The following RHOH variants were observed in gnomAD, a reference collection of about 807,000 sequenced individuals.
The protein encoded by RHOH is ras homolog family member H.
A neutral mutation model predicts 13.8 loss-of-function variants in RHOH; 6 were observed. The ratio of observed to expected loss-of-function variants is 0.44; its 90% CI spans 0.24 to 0.86. RHOH has a LOEUF of 0.86. Among genes scored for constraint, RHOH ranks in the 40% least tolerant of loss-of-function variants. The probability of loss-of-function intolerance (pLI) is 0.24; values close to 1 mark genes in which losing one functional copy is unlikely to be tolerated. For missense variants in RHOH, 147 were observed against 244.5 expected, an observed-to-expected ratio of 0.60 and a Z score of 2.66; for synonymous variants, 117 against 103.0, an observed-to-expected ratio of 1.14 and a Z score of -0.82.
chr4:40,231,856 C>T (rs182313338), intron 1 of RHOH, among the ~76,000 whole-genome samples: 1 of 152,380 alleles, frequency 6.6e-6, no homozygotes, highest in East Asian at 1.9e-4. Flanking sequence ...CTGGGCTCCG[C>T]CTTTTAGCCC....
intron 1 of RHOH, among the ~76,000 whole-genome samples, chr4:40,227,452 C>T (rs574217674): frequency 1.0e-3 from 153 of 152,320 alleles, no homozygotes; most frequent in African/African-American, 3.6e-3. Context: ...TGTGGGCCCC[C>T]AGCAGCTTAA....
chr4:40,234,495 A>G (rs550998448), intron 1 of RHOH, among the ~76,000 whole-genome samples: 11 of 152,252 alleles, frequency 7.2e-5, no homozygotes, highest in Non-Finnish European at 1.5e-5. Context: ...CAGTCAGGGC[A>G]GAGTTGCTGG....
At chr4:40,197,552 T>A (rs1204741423) in intron 1 of RHOH, among the ~76,000 whole-genome samples, 1 of 152,190 alleles carries the variant, frequency 6.6e-6, no homozygotes, top group Admixed American at 6.5e-5. Flanking sequence ...GTTTTCCAGA[T>A]ATTCTAGAGA....
At chr4:40,211,196 G>A (rs1272306008) in intron 1 of RHOH, among the ~76,000 whole-genome samples, 1 of 152,144 alleles carries the variant, frequency 6.6e-6, no homozygotes, top group Non-Finnish European at 1.5e-5. Context: ...CAAGAGGTAT[G>A]TTTTGTAAGT....
At chr4:40,200,704 G>C (rs939616897) in intron 1 of RHOH, 1 of 152,224 alleles carries the variant, frequency 6.6e-6, no homozygotes, top group Non-Finnish European at 1.5e-5. Context: ...CTGGGTCCAG[G>C]ATATGAGGAT....
chr4:40,195,198 TGTAA>T (rs1301220686), upstream of RHOH, among the ~76,000 whole-genome samples: 5 of 152,196 alleles, frequency 3.3e-5, no homozygotes, highest in Non-Finnish European at 7.3e-5. Context: ...TTTGCTAAGG[TGTAA>T]GTATTTTTGC....
chr4:40,225,117 TTTTG>T (rs1175381042), intron 1 of RHOH, among the ~76,000 whole-genome samples: 1 of 152,156 alleles, frequency 6.6e-6, no homozygotes, highest in African/African-American at 2.4e-5. Flanking sequence ...CATTTTTGTT[TTTTG>T]TTTGTTTGTT....
chr4:40,212,325 C>T lies in RHOH; in HGVS notation c.-331+15025C>T, dbSNP rs938319917. On this transcript the variant is annotated intron_variant, in intron 1 of 2. Transcript: ENST00000381799. Reference sequence around the variant, plus strand: ...AAAATCTAGAATATTGCCAGCCTATCGTCAGAGTGCAACACGTTTGAGGAA... The same window carrying T: ...AAAATCTAGAATATTGCCAGCCTATTGTCAGAGTGCAACACGTTTGAGGAA... Among the ~76,000 whole-genome samples, 8 of 152,242 alleles carry T rather than the reference C, an allele frequency of 5.3e-5. No individual in the cohort carries two copies. The South Asian group carries it at 1.4e-3, about 28-fold the overall frequency.
chr4:40,225,740 C>T (rs1727147042), intron 1 of RHOH, among the ~76,000 whole-genome samples: 3 of 152,198 alleles, frequency 2.0e-5, no homozygotes. Flanking sequence ...CTTTCTTCCT[C>T]ACCCTCTGCC....
In RHOH at chr4:40,244,586, A is replaced by G. The variant is rs146051940; in HGVS notation, c.*624A>G. ...GATATAAAATACAGTTCCATAAGAT[A>G]TCCTAATACTGCCTAATGATTTTAA... On this transcript the variant is annotated 3_prime_UTR_variant, in exon 3 of 3. Coordinates refer to ENST00000381799, the MANE Select transcript of RHOH (RefSeq NM_004310.5). The G allele has an allele frequency of 6.5e-3, 1,307 of 201,272 alleles. 16 individuals are homozygous for G. The highest frequency in any genetic ancestry group is 5.2e-3 in the Non-Finnish European group (466 of 88,942). The allele number at this position is 201,272 out of a possible 1,614,324, so 12.5% of individuals were successfully genotyped here. A position where few individuals can be genotyped will look rare whatever the true frequency, so the allele number is the denominator to read the frequency against.
chr4:40,193,854 G>T, upstream of RHOH: 1 of 152,322 alleles, frequency 6.6e-6, no homozygotes, highest in Non-Finnish European at 1.5e-5. Flanking sequence ...GATGGGGTGG[G>T]ACACACCCAG....
At chr4:40,204,320 T>G (rs1724380927) in intron 1 of RHOH, among the ~76,000 whole-genome samples, 1 of 152,222 alleles carries the variant, frequency 6.6e-6, no homozygotes, top group Admixed American at 6.5e-5. Flanking sequence ...ATCTTCACAT[T>G]GGAGGCGCAA....
chr4:40,195,343 C>G (rs1723005792), upstream of RHOH, among the ~76,000 whole-genome samples: 1 of 147,220 alleles, frequency 6.8e-6, no homozygotes, highest in Non-Finnish European at 1.5e-5. Context: ...CCCTTTCTTT[C>G]CTTTCTTTCT....
chr4:40,213,659 T>A (rs763048292), intron 1 of RHOH, among the ~76,000 whole-genome samples: 17 of 152,104 alleles, frequency 1.1e-4, no homozygotes, highest in Non-Finnish European at 2.2e-4. Context: ...GGTACCTGGG[T>A]AGCGATTGCA....
At chr4:40,203,066 G>A (rs1724207836) in intron 1 of RHOH, among the ~76,000 whole-genome samples, 1 of 152,106 alleles carries the variant, frequency 6.6e-6, no homozygotes, top group Non-Finnish European at 1.5e-5. Flanking sequence ...CCGCTTCCCG[G>A]GTTCACGCCA....
At chr4:40,196,171 G>GATAAA (rs1553932344), upstream of RHOH, among the ~76,000 whole-genome samples, 1 of 152,168 alleles carries the variant, frequency 6.6e-6, no homozygotes, top group Non-Finnish European at 1.5e-5. Context: ...CCGATGCACT[G>GATAAA]ATAAAATAAA....
At chr4:40,198,019 G>A (rs996632187) in intron 1 of RHOH, among the ~76,000 whole-genome samples, 2 of 152,190 alleles carry the variant, frequency 1.3e-5, no homozygotes, top group African/African-American at 4.8e-5. Context: ...AGCTGGTGCC[G>A]TGGAGGATAT....
intron 1 of RHOH, among the ~76,000 whole-genome samples, chr4:40,228,446 C>G (rs114338199): frequency 0.011 from 1,728 of 152,058 alleles, 23 homozygotes; most frequent in African/African-American, 0.038. Context: ...AGAGAAGTTA[C>G]AATAGGGAGG....
chr4:40,195,716 C>T (rs560842072), upstream of RHOH, among the ~76,000 whole-genome samples: 1 of 152,214 alleles, frequency 6.6e-6, no homozygotes, highest in Non-Finnish European at 1.5e-5. Flanking sequence ...AAAGTGCTGG[C>T]ATTACAGGTG....
Sources: gnomAD v4.1 joint callset for allele counts (sites outside exome capture counted in the v4.1 genomes callset) on GRCh38, gnomAD v4.1.1 for gene constraint, MANE v1.5 for transcripts, NCBI Gene and HGNC (gene_info 2026-07-23, HGNC 2026-07-21) for gene names.